TARS2: variants seen among roughly 807,000 people sequenced by gnomAD.
The protein encoded by TARS2 is threonyl-tRNA synthetase 2, mitochondrial.
In TARS2, 61 loss-of-function variants were observed where a neutral mutation model predicts 94.4. The ratio of observed to expected loss-of-function variants is 0.65; its 90% CI spans 0.53 to 0.80. The LOEUF (loss-of-function observed/expected upper bound fraction) is 0.80. TARS2 is among the 30% of genes least tolerant of loss of function. The probability of loss-of-function intolerance (pLI) is 0.00; values close to 1 mark genes in which losing one functional copy is unlikely to be tolerated. For synonymous variants in TARS2, 359 were observed against 353.4 expected (o/e 1.02, Z -0.18); for missense variants, 704 against 902.5 (o/e 0.78, Z 2.82).
rs74127650 is a variant in TARS2, at chr1:150,502,999, C to A, written c.1618-1336C>A. 8.9e-3 allele frequency among the ~76,000 whole-genome samples: 1,349 copies of A among 152,222 alleles called. 16 individuals carry two copies. The highest frequency in any genetic ancestry group is 0.03 in the African/African-American group (1,253 of 41,518). The stretch of plus-strand genomic sequence containing the variant: ...AAAGTGTGTATTATGTTGAATCAGT[C>A]TAATAAGTTGCTGGCTCAGATACTG... On this transcript the variant is annotated intron_variant, in intron 13 of 17. Transcript: ENST00000369064.
rs1670174161 is a variant in TARS2, at chr1:150,505,779, T to A, written c.2008+74T>A. The A allele has an allele frequency of 2.1e-6, 3 of 1,445,116 alleles. No individual in the cohort carries two copies. In the Admixed American group the frequency reaches 5.8e-5, roughly 28 times the overall value. The allele number at this position is 1,445,116 out of a possible 1,614,324, so 89.5% of individuals were successfully genotyped here. A position where few individuals can be genotyped will look rare whatever the true frequency, so the allele number is the denominator to read the frequency against. On this transcript the variant is annotated intron_variant, in intron 17 of 17. Coordinates refer to ENST00000369064, the MANE Select transcript of TARS2 (RefSeq NM_025150.5). ...TTGCTGTTAAGTTTACCAAGTCTGG[T>A]AATGCATATTTGGGTTAATTGGGGC...
intron 13 of TARS2, among the ~76,000 whole-genome samples, chr1:150,502,752 CAT>C (rs1020197823): frequency 1.8e-4 from 27 of 152,116 alleles, no homozygotes; most frequent in African/African-American, 5.3e-4. Context: ...ATTCAGGTAA[CAT>C]GTGTATTCTC....
In TARS2 at chr1:150,491,792, AT is replaced by A. The variant is rs111455328; in HGVS notation, c.695+142del. ...GAAAAAGAAATGGGAATGGGAATTG[AT>A]TTTTTTTTTTTCTTTTTTTGAGACG... On this transcript the variant is annotated intron_variant, in intron 6 of 17. Coordinates refer to ENST00000369064, the MANE Select transcript of TARS2 (RefSeq NM_025150.5). The A allele has an allele frequency of 0.09, 64,486 of 720,064 alleles. 753 individuals are homozygous for A. Among genetic ancestry groups the A allele is most frequent in the East Asian group, 0.19 (5,211 of 27,128 alleles). 44.6% of individuals were successfully genotyped at this position (720,064 alleles called of 1,614,324 possible). A position where few individuals can be genotyped will look rare whatever the true frequency, so the allele number is the denominator to read the frequency against.
In TARS2 at chr1:150,497,696, G is replaced by C; in HGVS notation, c.1187G>C (p.Arg396Thr). 6.2e-7 allele frequency: 1 copy of C among 1,614,130 alleles called. No homozygotes were observed. The highest frequency in any genetic ancestry group is 8.5e-7 in the Non-Finnish European group (1 of 1,180,034). Residue 396 changes from arginine to threonine, a missense_variant, in exon 10 of 18, where the codon AGG (arginine) becomes ACG (threonine). Transcript: ENST00000369064. ...AGCTCCCAGAGTGACGATTCTACCAGGCATATCACAGATACACTCGCCCTC... is the reference window on the plus strand; with the variant it reads ...AGCTCCCAGAGTGACGATTCTACCACGCATATCACAGATACACTCGCCCTC... ...PPSSQSDDSTRHITDTLALKP... is the reference protein window; with the variant it reads ...PPSSQSDDSTTHITDTLALKP...
At position 150,506,953 on chromosome 1, in the gene TARS2, C is replaced by A; in HGVS notation, c.2046C>A (p.Asn682Lys). 6.2e-7 allele frequency: 1 copy of A among 1,614,164 alleles called. No individual in the cohort carries two copies. Among genetic ancestry groups the A allele is most frequent in the Non-Finnish European group, 8.5e-7 (1 of 1,180,034 alleles). Residue 682 changes from asparagine (N) to lysine (K), a missense_variant, in exon 18 of 18, where the codon AAC becomes AAA. By Grantham distance (94) the Asn-to-Lys change is moderately conservative. This residue lies in a region of TARS2 where 466 missense variants were observed against 609.5 expected (regional missense o/e 0.76). Transcript: ENST00000369064. ...AAGAGCAAAGTAAGAGAACAGTGAA[C>A]ATTCGGACTCGAGATAATCGTCGCC... is the stretch of plus-strand genomic sequence containing the variant. ...GQKEQSKRTV[N>K]IRTRDNRRLG...
chr1:150,491,334 G>A (rs1669373033), intron 4 of TARS2, 60 bp from the exon 5 acceptor site: 4 of 1,557,480 alleles, frequency 2.6e-6, no homozygotes, highest in Non-Finnish European at 3.5e-6. Flanking sequence ...CAACAGGTGT[G>A]TCACCCAGGT....
chr1:150,500,223 G>A (rs879436623), intron 13 of TARS2, among the ~76,000 whole-genome samples: 3 of 151,992 alleles, frequency 2.0e-5, no homozygotes, highest in Non-Finnish European at 4.4e-5. Flanking sequence ...AGTGTCCACT[G>A]GATTTAGTAA....
intron 13 of TARS2, among the ~76,000 whole-genome samples, chr1:150,502,769 T>A (rs1351194914): frequency 6.6e-6 from 1 of 152,218 alleles, no homozygotes; most frequent in Non-Finnish European, 1.5e-5. Flanking sequence ...ATTCTCATTT[T>A]TATGTCCCAA....
intron 17 of TARS2, among the ~76,000 whole-genome samples, chr1:150,506,431 C>G (rs1238378845): frequency 6.6e-6 from 1 of 151,668 alleles, no homozygotes; most frequent in Non-Finnish European, 1.5e-5. Flanking sequence ...GTGTGAAGGC[C>G]ACACCACTCC....
Position 150,492,494 on chromosome 1 carries a change from G to A in TARS2, c.774+5G>A. ...GGAGGACTGAAGCTGCTATCGGTCAGTTGTGGGACAGAGTTAGGTTAAGAT... is the reference window on the plus strand; with the variant it reads ...GGAGGACTGAAGCTGCTATCGGTCAATTGTGGGACAGAGTTAGGTTAAGAT... On this transcript the variant is annotated splice_donor_5th_base_variant and intron_variant, in intron 7 of 17. Transcript: ENST00000369064. The A allele has an allele frequency of 6.2e-7, 1 of 1,613,462 alleles. No homozygotes were observed. Among genetic ancestry groups the A allele is most frequent in the Non-Finnish European group, 8.5e-7 (1 of 1,179,754 alleles).
intron 2 of TARS2, 118 bp downstream of exon 2, chr1:150,488,172 C>A: frequency 1.7e-6 from 2 of 1,186,850 alleles, no homozygotes; most frequent in Non-Finnish European, 2.3e-6. Context: ...ATTAAGATAG[C>A]CTTTCCTGAA....
chr1:150,500,580 C>T (rs939000921), intron 13 of TARS2, among the ~76,000 whole-genome samples: 5 of 150,792 alleles, frequency 3.3e-5, no homozygotes, highest in African/African-American at 4.9e-5. Context: ...AGCAAGACTC[C>T]GTCCCAAAAA....
chr1:150,498,897 C>T lies in TARS2; in HGVS notation c.1402C>T (p.Leu468=), dbSNP rs769440722. The change falls in exon 12 of 18, where the codon CTG becomes TTG. Residue 468 remains leucine (L), a splice_region_variant and synonymous_variant. Transcript: ENST00000369064. ...DAHIFCTTDQ[L]EAEIQSCLDF... ...ACTGACCCTTATTTCCTGCCCCTAG[C>T]TGGAAGCAGAGATCCAAAGCTGTCT... 2.5e-6 allele frequency: 4 copies of T among 1,614,094 alleles called. No individual in the cohort carries two copies. Among genetic ancestry groups the T allele is most frequent in the Non-Finnish European group, 3.4e-6 (4 of 1,180,046 alleles).
In TARS2 at chr1:150,488,842, A is replaced by G. The variant is rs143609217; in HGVS notation, c.264-122A>G. The G allele has an allele frequency of 3.8e-4, 543 of 1,410,990 alleles. 4 individuals are homozygous for G. In the East Asian group the frequency reaches 0.012, roughly 31 times the overall value. 87.4% of individuals were successfully genotyped at this position (1,410,990 alleles called of 1,614,324 possible). On this transcript the variant is annotated intron_variant, in intron 2 of 17. Coordinates refer to ENST00000369064, the MANE Select transcript of TARS2 (RefSeq NM_025150.5). Reference sequence around the variant, plus strand: ...TCCAGCCTCTGGTAACTATCACTCTATTCTCTACCACTGTGAGATCAACTT... The same window carrying G: ...TCCAGCCTCTGGTAACTATCACTCTGTTCTCTACCACTGTGAGATCAACTT...
At chr1:150,492,809 CAAA>C (rs750302051) in intron 7 of TARS2, among the ~76,000 whole-genome samples, 2,526 of 67,252 alleles carry the variant, frequency 0.038, 102 homozygotes, top group African/African-American at 0.12. Flanking sequence ...GAGTCCATCT[CAAA>C]AAAAAAAAAA....
In TARS2 at chr1:150,496,694, T is replaced by G; in HGVS notation, c.921+66T>G. ...TTGGAGAGAGATGACAGAACCTGAT[T>G]ATGAAATTGGGAGCAGATTCAGTCA... On this transcript the variant is annotated intron_variant, in intron 8 of 17. Transcript: ENST00000369064. 4.4e-6 allele frequency: 7 copies of G among 1,598,280 alleles called. No individual in the cohort carries two copies. The South Asian group carries it at 4.5e-5, about 10-fold the overall frequency.
intron 13 of TARS2, among the ~76,000 whole-genome samples, chr1:150,502,468 C>A (rs1560256410): frequency 6.6e-6 from 1 of 151,738 alleles, no homozygotes; most frequent in Non-Finnish European, 1.5e-5. Context: ...TCACCACAAC[C>A]TCCACCTCCT....
chr1:150,492,896 T>C (rs1357856412), intron 7 of TARS2, among the ~76,000 whole-genome samples: 1 of 151,304 alleles, frequency 6.6e-6, no homozygotes, highest in Non-Finnish European at 1.5e-5. Flanking sequence ...CCCCCTTTTT[T>C]TTTTTTGAGA....
At chr1:150,494,774 A>C (rs1441987383) in intron 7 of TARS2, among the ~76,000 whole-genome samples, 1 of 152,002 alleles carries the variant, frequency 6.6e-6, no homozygotes, top group Non-Finnish European at 1.5e-5. Flanking sequence ...GTGGTGGCTC[A>C]CGCCTGTAAT....
Sources: allele counts gnomAD v4.1 joint callset (sites outside exome capture counted in the v4.1 genomes callset), GRCh38; gene constraint gnomAD v4.1.1; regional missense constraint gnomAD v4.1.1; transcripts MANE v1.5; gene names NCBI Gene and HGNC (gene_info 2026-07-23, HGNC 2026-07-21).